The following CUX1 variants were observed in gnomAD, a reference collection of about 807,000 sequenced individuals.
CUX1 encodes protein CASP.
CUX1 carries 31 observed loss-of-function variants against 158.8 expected under a neutral mutation model. The observed-to-expected ratio is 0.20, with a 90% CI of 0.15 to 0.26. The LOEUF (loss-of-function observed/expected upper bound fraction) is 0.26. Among genes scored for constraint, CUX1 ranks in the 10% least tolerant of loss-of-function variants. The pLI is 1.00. For missense variants in CUX1, 1,589 were observed against 2,014.6 expected (o/e 0.79, Z 4.04); for synonymous variants, 879 against 862.1 (o/e 1.02, Z -0.34).
rs147098688 is a variant in CUX1, at chr7:101,958,164, G to A, written c.141+41939G>A. 5.2e-3 allele frequency among the ~76,000 whole-genome samples: 791 copies of A among 152,304 alleles called. 11 individuals carry two copies. Among genetic ancestry groups the A allele is most frequent in the African/African-American group, 0.018 (744 of 41,578 alleles). On this transcript the variant is annotated intron_variant, in intron 2 of 23. Transcript: ENST00000292535. The stretch of plus-strand genomic sequence containing the variant: ...GTGAAGTGTGCAGAGTGCTAGGTGG[G>A]TAAAAATAGCCCCCCTCCTTCTAGA...
At chr7:101,881,838 A>T (rs1799740985) in intron 1 of CUX1, among the ~76,000 whole-genome samples, 1 of 152,138 alleles carries the variant, frequency 6.6e-6, no homozygotes, top group East Asian at 1.9e-4. Flanking sequence ...CTATTGGTTT[A>T]TTCCTGTGCT....
chr7:101,868,688 T>C (rs969019356), intron 1 of CUX1, among the ~76,000 whole-genome samples: 2 of 152,166 alleles, frequency 1.3e-5, no homozygotes, highest in African/African-American at 2.4e-5. Flanking sequence ...TTAAATACCA[T>C]CAGCCGCAAA....
chr7:102,159,282 C>T (rs781958758), intron 9 of CUX1, among the ~76,000 whole-genome samples: 2 of 152,216 alleles, frequency 1.3e-5, no homozygotes, highest in East Asian at 1.9e-4. Context: ...CTTACCGCCA[C>T]GTTCTCATGG....
At chr7:102,186,577 GTA>G (rs143666730) in intron 11 of CUX1, among the ~76,000 whole-genome samples, 588 of 120,246 alleles carry the variant, frequency 4.9e-3, no homozygotes, top group Non-Finnish European at 7.4e-3. Context: ...AACCTAGATA[GTA>G]TATATATATA....
intron 1 of CUX1, among the ~76,000 whole-genome samples, chr7:101,878,249 C>G (rs965619548): frequency 6.6e-6 from 1 of 152,210 alleles, no homozygotes; most frequent in African/African-American, 2.4e-5. Context: ...GGACCCTCCC[C>G]TCCCCTTGGT....
At chr7:101,984,496 CAAAA>C (rs569101693) in intron 2 of CUX1, among the ~76,000 whole-genome samples, 5 of 111,664 alleles carry the variant, frequency 4.5e-5, no homozygotes, top group Admixed American at 2.0e-4. Flanking sequence ...TGTTCTCCGG[CAAAA>C]AAAAAAAAAA....
chr7:101,999,346 G>A (rs575319445), intron 2 of CUX1, among the ~76,000 whole-genome samples: 21 of 146,430 alleles, frequency 1.4e-4, no homozygotes, highest in Non-Finnish European at 2.2e-4. Flanking sequence ...ATGAGCCACC[G>A]CGCCTGGCCG....
At chr7:101,868,280 C>T (rs1798129772) in intron 1 of CUX1, among the ~76,000 whole-genome samples, 1 of 152,200 alleles carries the variant, frequency 6.6e-6, no homozygotes, top group South Asian at 2.1e-4. Flanking sequence ...TTGCATCCAT[C>T]CCCAGTCCCT....
Position 102,079,333 on chromosome 7 carries a change from G to C in CUX1, c.268+8916G>C, listed in dbSNP as rs973394388. On this transcript the variant is annotated intron_variant, in intron 4 of 23. Transcript: ENST00000292535. Reference sequence around the variant, plus strand: ...TGCACCTATAATCTCAGCTACTCGGGATGCTGAGTCACGAGAATCGCTTGA... The same window carrying C: ...TGCACCTATAATCTCAGCTACTCGGCATGCTGAGTCACGAGAATCGCTTGA... Among the ~76,000 whole-genome samples the C allele has an allele frequency of 2.0e-3, 311 of 152,088 alleles. 2 individuals carry two copies. Among genetic ancestry groups the C allele is most frequent in the African/African-American group, 7.2e-3 (299 of 41,480 alleles).
chr7:101,816,834 C>A (rs1791865753), upstream of CUX1: 1 of 831,550 alleles, frequency 1.2e-6, no homozygotes, highest in Non-Finnish European at 1.4e-6. Context: ...CTCGCTACCC[C>A]CGGCCGGCCC....
intron 14 of CUX1, among the ~76,000 whole-genome samples, chr7:102,264,544 T>G (rs2694158): frequency 0.64 from 97,742 of 151,910 alleles, 31,639 homozygotes; most frequent in East Asian, 0.79. Context: ...TGAGGCTTTG[T>G]TTTTTACTCT....
chr7:101,877,973 T>C (rs999097932), intron 1 of CUX1, among the ~76,000 whole-genome samples: 6 of 152,182 alleles, frequency 3.9e-5, no homozygotes, highest in African/African-American at 1.4e-4. Context: ...CTCATTCCTA[T>C]AGGGAGAGGG....
intron 2 of CUX1, among the ~76,000 whole-genome samples, chr7:101,974,314 CATCTT>C (rs1812379059): frequency 1.3e-5 from 2 of 152,196 alleles, no homozygotes; most frequent in Admixed American, 1.3e-4. Flanking sequence ...GGCACACTCT[CATCTT>C]AACCACACAC....
chr7:102,194,525 A>G (rs1354783405), intron 13 of CUX1, among the ~76,000 whole-genome samples: 1 of 151,878 alleles, frequency 6.6e-6, no homozygotes, highest in Non-Finnish European at 1.5e-5. Context: ...GCTTGAGCCC[A>G]GTAGTTCAAG....
chr7:102,282,565 G>A (rs1792160091), intron 21 of CUX1: 1 of 700,596 alleles, frequency 1.4e-6, no homozygotes, highest in East Asian at 2.7e-5. Flanking sequence ...CAGAAGCAGT[G>A]GGTGCAGGAA....
chr7:102,048,736 G>A (rs1266592996), intron 3 of CUX1, among the ~76,000 whole-genome samples: 1 of 152,178 alleles, frequency 6.6e-6, no homozygotes, highest in Non-Finnish European at 1.5e-5. Context: ...GGCTGAGGCA[G>A]GGGAATCACT....
At chr7:102,178,740 T>C in intron 11 of CUX1, 83 bp downstream of exon 11, 2 of 1,411,086 alleles carry the variant, frequency 1.4e-6, no homozygotes, top group Non-Finnish European at 1.9e-6. Flanking sequence ...ACCCTCTGCC[T>C]TTCTGGACTT....
intron 8 of CUX1, among the ~76,000 whole-genome samples, chr7:102,155,321 A>G (rs1433900945): frequency 6.6e-6 from 1 of 150,578 alleles, no homozygotes; most frequent in Non-Finnish European, 1.5e-5. Context: ...AAGCGGGTGG[A>G]TGGCTTGAGC....
chr7:101,860,948 G>A (rs960231616), intron 1 of CUX1, among the ~76,000 whole-genome samples: 6 of 152,244 alleles, frequency 3.9e-5, no homozygotes, highest in African/African-American at 1.4e-4. Context: ...CGGGAACACA[G>A]GTGGGCAACA....
Sources: gnomAD v4.1 joint callset for allele counts (sites outside exome capture counted in the v4.1 genomes callset) on GRCh38, gnomAD v4.1.1 for gene constraint, MANE v1.5 for transcripts, NCBI Gene and HGNC (gene_info 2026-07-23, HGNC 2026-07-21) for gene names.